The following CHN2 variants were observed in gnomAD, a reference collection of about 807,000 sequenced individuals.
The protein encoded by CHN2 is beta-chimaerin.
A neutral mutation model predicts 56.3 loss-of-function variants in CHN2; 35 were observed. The observed-to-expected ratio is 0.62, with a 90% CI of 0.47 to 0.82. The LOEUF is 0.82. Ranked by LOEUF, CHN2 falls within the 40% of genes least tolerant of loss-of-function variation. The probability of loss-of-function intolerance (pLI) is 0.00; values close to 1 mark genes in which losing one functional copy is unlikely to be tolerated. For synonymous variants in CHN2, 210 were observed against 212.8 expected, an observed-to-expected ratio of 0.99 and a Z score of 0.12; for missense variants, 491 against 580.5, an observed-to-expected ratio of 0.85 and a Z score of 1.58.
At chr7:29,159,365 C>T (rs780652990) in intron 2 of CHN2, among the ~76,000 whole-genome samples, 11 of 152,180 alleles carry the variant, frequency 7.2e-5, no homozygotes, top group Non-Finnish European at 1.3e-4. Flanking sequence ...ACAGAGCCTT[C>T]ATGGTCTTAA....
intron 9 of CHN2, among the ~76,000 whole-genome samples, chr7:29,500,929 A>C (rs889089808): frequency 1.3e-5 from 2 of 152,210 alleles, no homozygotes; most frequent in African/African-American, 4.8e-5. Flanking sequence ...TTCTTTGGCC[A>C]CTGTTCAGTA....
intron 1 of CHN2, among the ~76,000 whole-genome samples, chr7:29,233,592 T>C (rs972552057): frequency 3.3e-5 from 5 of 152,108 alleles, no homozygotes; most frequent in African/African-American, 1.2e-4. Context: ...TTATCCTGGA[T>C]CTTCCTGTGG....
intron 2 of CHN2, among the ~76,000 whole-genome samples, chr7:29,162,657 A>G (rs1003033433): frequency 8.3e-5 from 12 of 144,404 alleles, no homozygotes; most frequent in African/African-American, 3.2e-4. Flanking sequence ...GTGAAACTCC[A>G]TCTCAAAAAA....
At chr7:29,213,594 T>G (rs901754245) in intron 1 of CHN2, among the ~76,000 whole-genome samples, 1 of 152,202 alleles carries the variant, frequency 6.6e-6, no homozygotes, top group African/African-American at 2.4e-5. Flanking sequence ...CATATTCCTA[T>G]TTTTTGGGAT....
intron 6 of CHN2, among the ~76,000 whole-genome samples, chr7:29,413,459 G>A (rs1803437139): frequency 6.6e-6 from 1 of 152,028 alleles, no homozygotes; most frequent in Non-Finnish European, 1.5e-5. Flanking sequence ...TGATATAAGG[G>A]ACTTTTATTA....
chr7:29,453,150 A>G (rs1784520328), intron 6 of CHN2, among the ~76,000 whole-genome samples: 1 of 152,216 alleles, frequency 6.6e-6, no homozygotes, highest in African/African-American at 2.4e-5. Flanking sequence ...AGCATCTCAC[A>G]ATATGAGTTA....
At chr7:29,225,901 A>G (rs948197850) in intron 1 of CHN2, among the ~76,000 whole-genome samples, 1 of 152,220 alleles carries the variant, frequency 6.6e-6, no homozygotes, top group Non-Finnish European at 1.5e-5. Flanking sequence ...TTAGGCGTTT[A>G]TTAATAAAAC....
intron 2 of CHN2, among the ~76,000 whole-genome samples, chr7:29,161,235 A>G (rs1795137581): frequency 6.6e-6 from 1 of 152,082 alleles, no homozygotes; most frequent in African/African-American, 2.4e-5. Context: ...GTGCAGGGAA[A>G]CTGAAGCAAA....
chr7:29,212,510 A>T (rs557207272), intron 1 of CHN2: 1 of 1,568,108 alleles, frequency 6.4e-7, no homozygotes, highest in Admixed American at 1.7e-5. Flanking sequence ...TTCTTCCACC[A>T]GTCCCAAAGG....
intron 1 of CHN2, among the ~76,000 whole-genome samples, chr7:29,273,326 C>CATATATATATATATGTGTATAT (rs1341951231): frequency 1.3e-5 from 1 of 79,784 alleles, no homozygotes; most frequent in Admixed American, 1.2e-4. Flanking sequence ...TTCCATCATG[C>CATATATATATATATGTGTATAT]ATATATATAT....
chr7:29,511,516 A>G (rs539339705), intron 12 of CHN2, among the ~76,000 whole-genome samples: 1 of 152,184 alleles, frequency 6.6e-6, no homozygotes, highest in African/African-American at 2.4e-5. Context: ...TTAGTCAGGC[A>G]TAGTGCCTGA....
chr7:29,233,202 T>C (rs1333978294), intron 1 of CHN2, among the ~76,000 whole-genome samples: 1 of 152,178 alleles, frequency 6.6e-6, no homozygotes, highest in Non-Finnish European at 1.5e-5. Context: ...CATTTCCTTT[T>C]CTCTATAATA....
intron 6 of CHN2, among the ~76,000 whole-genome samples, chr7:29,405,168 C>T (rs1436108107): frequency 3.0e-5 from 2 of 65,700 alleles, no homozygotes; most frequent in Non-Finnish European, 5.3e-5. Flanking sequence ...TCACCATACA[C>T]ACACACACAC....
intron 8 of CHN2, among the ~76,000 whole-genome samples, 196 bp from the exon 9 acceptor site, chr7:29,499,671 T>C (rs1310894961): frequency 6.6e-6 from 1 of 152,126 alleles, no homozygotes; most frequent in Non-Finnish European, 1.5e-5. Context: ...ACGAGAAAAA[T>C]GGAATCATAT....
intron 1 of CHN2, among the ~76,000 whole-genome samples, chr7:29,296,682 T>C (rs1453790245): frequency 1.3e-5 from 2 of 152,234 alleles, no homozygotes; most frequent in East Asian, 3.8e-4. Context: ...ATTGAATACT[T>C]TTTAAAAGTG....
At chr7:29,197,564 G>T (rs971353870) in intron 1 of CHN2, among the ~76,000 whole-genome samples, 3 of 152,224 alleles carry the variant, frequency 2.0e-5, no homozygotes, top group Non-Finnish European at 4.4e-5. Flanking sequence ...GAATGAAAAA[G>T]AAGGCATTCA....
intron 6 of CHN2, among the ~76,000 whole-genome samples, chr7:29,420,602 C>T (rs2128105406): frequency 6.6e-6 from 1 of 152,194 alleles, no homozygotes; most frequent in African/African-American, 2.4e-5. Context: ...GTCATATTCA[C>T]AGCAACAGAA....
chr7:29,398,781 T>G (rs1410431560), intron 5 of CHN2, among the ~76,000 whole-genome samples: 8 of 81,414 alleles, frequency 9.8e-5, no homozygotes, highest in Non-Finnish European at 2.1e-4. Flanking sequence ...TTTTTTTTTT[T>G]GAAGAGAATG....
chr7:29,403,125 T>C (rs368422884), intron 6 of CHN2, among the ~76,000 whole-genome samples: 81 of 152,086 alleles, frequency 5.3e-4, no homozygotes, highest in African/African-American at 1.9e-3. Context: ...GGGCTACTCA[T>C]TTTGTTAGTA....
Sources: allele counts gnomAD v4.1 joint callset (sites outside exome capture counted in the v4.1 genomes callset), GRCh38; gene constraint gnomAD v4.1.1; transcripts MANE v1.5; gene names NCBI Gene and HGNC (gene_info 2026-07-23, HGNC 2026-07-21).